Variants in ORM2 observed in about 807,000 individuals in gnomAD.
ORM2 encodes orosomucoid 2.
Under a neutral mutation model 26.8 loss-of-function variants are expected in ORM2, and 19 were observed. That is an observed-to-expected ratio of 0.71 (90% confidence interval 0.49 to 1.04). The LOEUF (loss-of-function observed/expected upper bound fraction) is 1.04, where lower values mean the gene tolerates loss of function less well. Among genes scored for constraint, ORM2 ranks in the 50% least tolerant of loss-of-function variants. ORM2 has a pLI of 0.00. For synonymous variants in ORM2, 94 were observed against 100.0 expected, an observed-to-expected ratio of 0.94 and a Z score of 0.36; for missense variants, 259 against 244.9, an observed-to-expected ratio of 1.06 and a Z score of -0.39.
At chr9:114,330,078 T>G in intron 1 of ORM2, 60 bp downstream of exon 1, 2 of 1,611,444 alleles carry the variant, frequency 1.2e-6, no homozygotes, top group Non-Finnish European at 1.7e-6. Context: ...TTCTCTGGGC[T>G]TCCCTTTACC....
intron 5 of ORM2, among the ~76,000 whole-genome samples, chr9:114,332,859 C>T (rs1210746571): frequency 1.3e-5 from 2 of 152,178 alleles, no homozygotes; most frequent in African/African-American, 2.4e-5. Flanking sequence ...AGGGTCTGAG[C>T]TCCCATTGTA....
chr9:114,331,499 C>T, intron 3 of ORM2, 68 bp from the exon 4 acceptor site: 1 of 1,332,042 alleles, frequency 7.5e-7, no homozygotes, highest in East Asian at 2.3e-5. Flanking sequence ...CCTAGGACTC[C>T]TCACCTGTAA....
intron 3 of ORM2, 62 bp downstream of exon 3, chr9:114,330,924 G>A: frequency 1.4e-6 from 2 of 1,421,928 alleles, no homozygotes; most frequent in East Asian, 2.3e-5. Flanking sequence ...AGCATAAGGT[G>A]GGGGCTGGAT....
chr9:114,330,819 T>G lies in ORM2; in HGVS notation c.285T>G (p.Ser95Arg), dbSNP rs762782171. 36 of 1,613,938 alleles carry G rather than the reference T, an allele frequency of 2.2e-5. No homozygotes were observed. The highest frequency in any genetic ancestry group is 3.1e-5 in the Non-Finnish European group (36 of 1,179,930). Reference protein sequence around the residue: ...TRQNQCFYNSSYLNVQRENGT... With the variant: ...TRQNQCFYNSRYLNVQRENGT... Reference sequence around the variant, plus strand: ...AGAACCAGTGCTTCTATAACTCCAGTTACCTGAATGTCCAGCGGGAGAATG... The same window carrying G: ...AGAACCAGTGCTTCTATAACTCCAGGTACCTGAATGTCCAGCGGGAGAATG... The change falls in exon 3 of 6, where the codon AGT becomes AGG. Residue 95 changes from serine to arginine, a missense_variant. Physicochemically the swap from Ser to Arg is moderately radical, Grantham distance 110. Around this residue, in one of 2 missense-constraint regions of ORM2, gnomAD observed 251 missense variants for 220.5 expected, o/e 1.14. Coordinates refer to ENST00000431067, the MANE Select transcript of ORM2 (RefSeq NM_000608.4).
At chr9:114,330,165 C>A in intron 1 of ORM2, 147 bp downstream of exon 1, 1 of 1,346,404 alleles carries the variant, frequency 7.4e-7, no homozygotes, top group South Asian at 1.3e-5. Flanking sequence ...TTCTCACCAG[C>A]CCAGGGGACT....
intron 1 of ORM2, 33 bp from the exon 2 acceptor site, chr9:114,330,401 A>G (rs1829831074): frequency 6.4e-7 from 1 of 1,557,992 alleles, no homozygotes; most frequent in Non-Finnish European, 8.7e-7. Flanking sequence ...TTCAGCATCA[A>G]GCCCCCATCA....
In ORM2 at chr9:114,331,820, C is replaced by T; in HGVS notation, c.437-6C>T. 3 of 1,613,272 alleles carry T rather than the reference C, an allele frequency of 1.9e-6. No individual in the cohort carries two copies. The highest frequency in any genetic ancestry group is 2.7e-5 in the African/African-American group (2 of 74,734). On this transcript the variant is annotated splice_region_variant and splice_polypyrimidine_tract_variant and intron_variant, in intron 4 of 5. Transcript: ENST00000431067. ...TCCCCAGTCAGTCTCCTTGCTCCCC[C>T]TGCAGCTGACAAGCCAGAGACGACC...
At chr9:114,331,496 C>T in intron 3 of ORM2, 71 bp from the exon 4 acceptor site, 1 of 1,277,808 alleles carries the variant, frequency 7.8e-7, no homozygotes, top group Non-Finnish European at 1.1e-6. Context: ...ACACCTAGGA[C>T]TCCTCACCTG....
At chr9:114,331,323 G>A (rs533792117) in intron 3 of ORM2, among the ~76,000 whole-genome samples, 2 of 152,184 alleles carry the variant, frequency 1.3e-5, no homozygotes, top group South Asian at 4.1e-4. Context: ...TTCCTCCTCT[G>A]TAAAACGGGG....
intron 5 of ORM2, 100 bp from the exon 6 acceptor site, chr9:114,332,969 T>C: frequency 6.4e-7 from 1 of 1,561,810 alleles, no homozygotes; most frequent in Non-Finnish European, 8.7e-7. Flanking sequence ...TTGAGCTGGT[T>C]CCACAGGCCA....
At position 114,330,463 on chromosome 9, in the gene ORM2, G is replaced by A. The variant is rs146933105; in HGVS notation, c.144G>A (p.Ser48=). ...RITGKWFYIA[S]AFRNEEYNKS... is the part of the protein sequence containing the mutation. ...CTGGCAAGTGGTTTTATATCGCATC[G>A]GCCTTTCGAAACGAGGAGTACAATA... The change falls in exon 2 of 6, where the codon TCG becomes TCA. Residue 48 remains serine, a synonymous_variant. Coordinates refer to ENST00000431067, the MANE Select transcript of ORM2 (RefSeq NM_000608.4). The A allele has an allele frequency of 4.6e-5, 74 of 1,605,662 alleles. No homozygotes were observed. The highest frequency in any genetic ancestry group is 5.7e-5 in the Non-Finnish European group (67 of 1,177,176).
rs140637781 is a variant in ORM2, at chr9:114,330,422, C to A, written c.115-12C>A. On this transcript the variant is annotated splice_polypyrimidine_tract_variant and intron_variant, in intron 1 of 5. Transcript: ENST00000431067. ...ATCAAGCCCCCATCACCAGCTCCCC[C>A]CTTCTCCCCAGATCACTGGCAAGTG... 26 of 1,556,378 alleles carry A rather than the reference C, an allele frequency of 1.7e-5. 2 individuals carry two copies. The South Asian group carries it at 2.1e-4, about 12-fold the overall frequency.
chr9:114,332,268 C>A (rs1413709737), intron 5 of ORM2, among the ~76,000 whole-genome samples: 3 of 152,078 alleles, frequency 2.0e-5, no homozygotes, highest in African/African-American at 7.3e-5. Flanking sequence ...GCTTTCACCC[C>A]ACCTCCACTC....
rs952549014 is a variant in ORM2 at position 114,330,651 on chromosome 9, T to C, written c.257+75T>C. 3.1e-6 allele frequency: 5 copies of C among 1,596,964 alleles called. No individual in the cohort carries two copies. In the African/African-American group the frequency reaches 6.9e-5, roughly 22 times the overall value. On this transcript the variant is annotated intron_variant, in intron 2 of 5. Transcript: ENST00000431067. ...ACCTGAGCAAGTCCCTCCTTCTTCC[T>C]GGCCTTGGCCTTCCCATGGGTGGAA...
chr9:114,333,011 C>G, intron 5 of ORM2, 58 bp from the exon 6 acceptor site: 1 of 1,599,954 alleles, frequency 6.3e-7, no homozygotes, highest in Non-Finnish European at 8.5e-7. Flanking sequence ...CGGAAGACCT[C>G]CCACCCTGTC....
rs118158426 is a variant in ORM2, at chr9:114,332,683, A to C, written c.541-386A>C. On this transcript the variant is annotated intron_variant, in intron 5 of 5. Coordinates refer to ENST00000431067, the MANE Select transcript of ORM2 (RefSeq NM_000608.4). ...ACTGTAGTCAGCTCACTTGATCCAC[A>C]GCCTGGCACCTCCACTGTCTGGCTA... Among the ~76,000 whole-genome samples, 1,279 of 152,178 alleles carry C rather than the reference A, an allele frequency of 8.4e-3. 68 individuals carry two copies. In the East Asian group the frequency reaches 0.14, roughly 17 times the overall value.
intron 1 of ORM2, 72 bp downstream of exon 1, chr9:114,330,090 G>C (rs1364648005): frequency 1.2e-6 from 2 of 1,612,064 alleles, no homozygotes; most frequent in African/African-American, 2.7e-5. Context: ...CCCTTTACCT[G>C]CTGGCTGTGG....
In ORM2 at chr9:114,331,721, C is replaced by A. The variant is rs751517453; in HGVS notation, c.436+47C>A. 1.3e-5 allele frequency: 21 copies of A among 1,582,240 alleles called. No homozygotes were observed. The East Asian group carries it at 3.6e-4, about 27-fold the overall frequency. On this transcript the variant is annotated intron_variant, in intron 4 of 5. Coordinates refer to ENST00000431067, the MANE Select transcript of ORM2 (RefSeq NM_000608.4). ...AAACTCATGCCCCTCTCAGGCCTCA[C>A]CCCCCATTCACCCACCCCTGGGCTG...
intron 3 of ORM2, 46 bp from the exon 4 acceptor site, chr9:114,331,521 T>C (rs781235773): frequency 3.0e-5 from 45 of 1,495,110 alleles, no homozygotes; most frequent in Non-Finnish European, 3.8e-5. Context: ...ACAGGCACCA[T>C]TGTGCCATCC....
Sources: allele counts gnomAD v4.1 joint callset (sites outside exome capture counted in the v4.1 genomes callset), GRCh38; gene constraint gnomAD v4.1.1; regional missense constraint gnomAD v4.1.1; transcripts MANE v1.5; gene names NCBI Gene and HGNC (gene_info 2026-07-23, HGNC 2026-07-21).